The following SASH1 variants were observed in gnomAD, a reference collection of about 807,000 sequenced individuals.
SASH1 encodes SAM and SH3 domain-containing protein 1.
A neutral mutation model predicts 125.2 loss-of-function variants in SASH1; 44 were observed. That is an observed-to-expected ratio of 0.35 (90% CI 0.28 to 0.45). The LOEUF is 0.45. Ranked by LOEUF, SASH1 falls within the 20% of genes least tolerant of loss-of-function variation. SASH1 has a pLI of 1.00. For synonymous variants in SASH1, 639 were observed against 649.1 expected (o/e 0.98, Z 0.24); for missense variants, 1,426 against 1,614.5 (o/e 0.88, Z 2.00).
chr6:148,218,792 T>C, the SASH1 span, among the ~76,000 whole-genome samples: 1 of 152,180 alleles, frequency 6.6e-6, no homozygotes, highest in Non-Finnish European at 1.5e-5. Context: ...TGTGAACCCT[T>C]CTGCTTCTCT....
the SASH1 span, among the ~76,000 whole-genome samples, chr6:148,255,485 G>T: frequency 2.0e-4 from 30 of 152,228 alleles, no homozygotes; most frequent in African/African-American, 7.0e-4. Context: ...TTCAAAATAT[G>T]AATTTGGGGG....
intron 1 of SASH1, among the ~76,000 whole-genome samples, chr6:148,284,257 A>T (rs963093132): frequency 3.9e-5 from 6 of 152,096 alleles, no homozygotes; most frequent in African/African-American, 1.4e-4. Context: ...TAGCCAACAT[A>T]GTGAAACCCC....
chr6:148,230,415 T>C, the SASH1 span, among the ~76,000 whole-genome samples: 2 of 152,158 alleles, frequency 1.3e-5, no homozygotes, highest in African/African-American at 4.8e-5. Flanking sequence ...TGGGCTCAGA[T>C]GAGCCTCCTG....
the SASH1 span, among the ~76,000 whole-genome samples, chr6:148,246,990 C>T: frequency 3.9e-5 from 6 of 152,114 alleles, no homozygotes; most frequent in African/African-American, 1.4e-4. Flanking sequence ...GACAAATAAA[C>T]AGTTCCAATA....
At chr6:148,329,192 T>C (rs991305585) in intron 1 of SASH1, among the ~76,000 whole-genome samples, 4 of 152,212 alleles carry the variant, frequency 2.6e-5, no homozygotes, top group Admixed American at 6.5e-5. Context: ...AGAACATTCA[T>C]TAGATAGCTA....
intron 1 of SASH1, among the ~76,000 whole-genome samples, chr6:148,321,783 A>T (rs1306126715): frequency 6.6e-6 from 1 of 152,184 alleles, no homozygotes; most frequent in Non-Finnish European, 1.5e-5. Context: ...ATGTAATTAG[A>T]ATGCAGTCCT....
At chr6:148,358,518 A>T (rs1782044261) in intron 1 of SASH1, among the ~76,000 whole-genome samples, 1 of 152,092 alleles carries the variant, frequency 6.6e-6, no homozygotes. Context: ...TTTCAAAATA[A>T]TTTTTATGGA....
intron 7 of SASH1, among the ~76,000 whole-genome samples, chr6:148,476,086 G>C (rs1369026302): frequency 6.6e-6 from 1 of 151,964 alleles, no homozygotes; most frequent in Non-Finnish European, 1.5e-5. Flanking sequence ...GATAAGTAAA[G>C]TTGCAGGCTA....
intron 2 of SASH1, among the ~76,000 whole-genome samples, chr6:148,410,256 G>T (rs917620211): frequency 1.3e-5 from 2 of 151,190 alleles, no homozygotes; most frequent in African/African-American, 4.9e-5. Flanking sequence ...GATTACAGGC[G>T]CCCGCCACCA....
chr6:148,228,998 A>T, the SASH1 span, among the ~76,000 whole-genome samples: 2 of 151,934 alleles, frequency 1.3e-5, no homozygotes, highest in African/African-American at 4.8e-5. Context: ...CTTGGGCAAC[A>T]TGGTGCATAC....
chr6:148,399,740 G>A (rs149733987), intron 2 of SASH1, among the ~76,000 whole-genome samples: 20 of 152,302 alleles, frequency 1.3e-4, no homozygotes, highest in Admixed American at 5.2e-4. Flanking sequence ...TAGGAACTCA[G>A]GTAAAAGTGG....
At position 148,543,628 on chromosome 6, in the gene SASH1, T is replaced by TTGA; in HGVS notation, c.2210-50_2210-48dup. The TTGA allele has an allele frequency of 3.4e-6, 5 of 1,450,334 alleles. No homozygotes were observed. In the South Asian group the frequency reaches 6.9e-5, roughly 20 times the overall value. 89.8% of individuals were successfully genotyped at this position (1,450,334 alleles called of 1,614,324 possible). A position where few individuals can be genotyped will look rare whatever the true frequency, so the allele number is the denominator to read the frequency against. ...TGTTAGCACAACTTTATGCATCCGT[T>TTGA]TGATTGATTTGCTTTTAAAATGTGA... On this transcript the variant is annotated intron_variant, in intron 17 of 19. Coordinates refer to ENST00000367467, the MANE Select transcript of SASH1 (RefSeq NM_015278.5).
chr6:148,377,173 A>C (rs1239438004), intron 1 of SASH1, among the ~76,000 whole-genome samples: 7 of 67,482 alleles, frequency 1.0e-4, no homozygotes, highest in Non-Finnish European at 2.2e-4. Context: ...CCGTCTCAAA[A>C]AAAAAAAAAA....
At chr6:148,296,939 C>T (rs944187369) in intron 1 of SASH1, among the ~76,000 whole-genome samples, 12 of 152,182 alleles carry the variant, frequency 7.9e-5, no homozygotes, top group Non-Finnish European at 1.8e-4. Flanking sequence ...AAGCAAAGGC[C>T]AAGAGCCAAA....
In SASH1 at chr6:148,544,906, A is replaced by C. The variant is rs756832688; in HGVS notation, c.3348+88A>C. The C allele has an allele frequency of 1.2e-4, 150 of 1,288,106 alleles. No individual in the cohort carries two copies. Among genetic ancestry groups the C allele is most frequent in the Non-Finnish European group, 1.6e-4 (150 of 952,678 alleles). 79.8% of individuals were successfully genotyped at this position (1,288,106 alleles called of 1,614,324 possible). ...GTGAGATGAACCCACATCTGAAGCCAGCCCGGTAGCCCGCCCAGTGGACAG... is the reference window on the plus strand; with the variant it reads ...GTGAGATGAACCCACATCTGAAGCCCGCCCGGTAGCCCGCCCAGTGGACAG... On this transcript the variant is annotated intron_variant, in intron 18 of 19. Transcript: ENST00000367467. The surrounding 1 kb of genome is among the most constrained non-coding windows in gnomAD (Gnocchi z 6.4).
chr6:148,419,904 A>G (rs71568233), intron 2 of SASH1, among the ~76,000 whole-genome samples: 7,762 of 152,284 alleles, frequency 0.051, 250 homozygotes, highest in East Asian at 0.078. Flanking sequence ...AAATACTTTA[A>G]TTCTTCCTTT....
chr6:148,214,299 C>T, the SASH1 span, among the ~76,000 whole-genome samples: 1 of 152,114 alleles, frequency 6.6e-6, no homozygotes, highest in Non-Finnish European at 1.5e-5. Flanking sequence ...CTTATATGCC[C>T]CTCATTTCGC....
chr6:148,449,078 C>CTTTTTCTTTTTTTTTTTTCTTTT, intron 4 of SASH1, among the ~76,000 whole-genome samples: 3 of 88,736 alleles, frequency 3.4e-5, no homozygotes, highest in African/African-American at 1.3e-4. Context: ...CATTTCATTT[C>CTTTTTCTTTTTTTTTTTTCTTTT]TTTTTTTTTT....
At chr6:148,380,046 A>G (rs1264714429) in intron 1 of SASH1, 1 of 451,270 alleles carries the variant, frequency 2.2e-6, no homozygotes, top group Non-Finnish European at 4.5e-6. Flanking sequence ...AGTTTTGGCA[A>G]TAGCACCAAG....
Sources: allele counts gnomAD v4.1 joint callset (sites outside exome capture counted in the v4.1 genomes callset), GRCh38; gene constraint gnomAD v4.1.1; non-coding constraint Gnocchi (gnomAD v3.1); transcripts MANE v1.5; gene names NCBI Gene and HGNC (gene_info 2026-07-23, HGNC 2026-07-21).